Variants in PLXNA2 observed in about 807,000 individuals in gnomAD.
PLXNA2 encodes plexin-A2.
PLXNA2 carries 91 observed loss-of-function variants against 193.5 expected under a neutral mutation model. That is an observed-to-expected ratio of 0.47 (90% CI 0.40 to 0.56). The LOEUF is 0.56. Ranked by LOEUF, PLXNA2 falls within the 20% of genes least tolerant of loss-of-function variation. The probability of loss-of-function intolerance (pLI) is 0.00; values close to 1 mark genes in which losing one functional copy is unlikely to be tolerated. For missense variants in PLXNA2, 1,995 were observed against 2,503.2 expected, an observed-to-expected ratio of 0.80 and a Z score of 4.33; for synonymous variants, 997 against 1,027.3, an observed-to-expected ratio of 0.97 and a Z score of 0.56.
intron 29 of PLXNA2, chr1:208,030,512 A>C: frequency 1.0e-6 from 1 of 985,408 alleles, no homozygotes; most frequent in East Asian, 1.1e-4. Flanking sequence ...TCTTAACCCC[A>C]GGGCCACCCC....
intron 4 of PLXNA2, 118 bp from the exon 5 acceptor site, chr1:208,103,365 C>T: frequency 1.3e-6 from 1 of 745,204 alleles, no homozygotes; most frequent in Non-Finnish European, 2.1e-6. Context: ...AGAGGTGATA[C>T]TGGGCGGCAA....
chr1:208,176,254 A>T (rs1175449593), intron 3 of PLXNA2, among the ~76,000 whole-genome samples: 1 of 151,988 alleles, frequency 6.6e-6, no homozygotes, highest in East Asian at 1.9e-4. Flanking sequence ...CCTGCAACTA[A>T]CTCTAGACTC....
chr1:208,225,568 C>A (rs1291089764), intron 1 of PLXNA2, among the ~76,000 whole-genome samples: 1 of 152,218 alleles, frequency 6.6e-6, no homozygotes, highest in African/African-American at 2.4e-5. Flanking sequence ...TAGCCTCGGC[C>A]TCCCAAAATG....
At chr1:208,211,573 G>A (rs984390442) in intron 2 of PLXNA2, among the ~76,000 whole-genome samples, 4 of 151,974 alleles carry the variant, frequency 2.6e-5, no homozygotes, top group Admixed American at 1.3e-4. Context: ...TGTGCCTGTA[G>A]TCCCAGCTAC....
rs192260490 is a variant in PLXNA2 at position 208,125,124 on chromosome 1, C to T, written c.1506+17205G>A. Among the ~76,000 whole-genome samples, 3 of 152,226 alleles carry T rather than the reference C, an allele frequency of 2.0e-5. No homozygotes were observed. The East Asian group carries it at 5.8e-4, about 29-fold the overall frequency. ...ATACCAAATGGCCTTTTGTGTAGGG[C>T]CATATTTCATGAAATAATATAATGT... On this transcript the variant is annotated intron_variant, in intron 4 of 31. Coordinates refer to ENST00000367033, the MANE Select transcript of PLXNA2 (RefSeq NM_025179.4).
At chr1:208,209,728 G>A (rs1315107246) in intron 3 of PLXNA2, among the ~76,000 whole-genome samples, 2 of 152,296 alleles carry the variant, frequency 1.3e-5, no homozygotes, top group Non-Finnish European at 2.9e-5. Context: ...GAAGGGAAGA[G>A]TCTGTGATTG....
chr1:208,153,806 C>T (rs1238456561), intron 3 of PLXNA2, among the ~76,000 whole-genome samples: 1 of 152,232 alleles, frequency 6.6e-6, no homozygotes, highest in Non-Finnish European at 1.5e-5. Flanking sequence ...CCTGTGTGCT[C>T]TGGTCTGCCT....
At chr1:208,049,937 A>G (rs1665201814) in intron 17 of PLXNA2, among the ~76,000 whole-genome samples, 1 of 152,234 alleles carries the variant, frequency 6.6e-6, no homozygotes, top group Admixed American at 6.5e-5. Flanking sequence ...TATGAAAAAT[A>G]ATGGCCATAG....
At chr1:208,152,708 C>CACAT (rs1353886652) in intron 3 of PLXNA2, among the ~76,000 whole-genome samples, 2 of 151,828 alleles carry the variant, frequency 1.3e-5, no homozygotes, top group Admixed American at 6.6e-5. Context: ...CACACACACA[C>CACAT]ACACACACAC....
chr1:208,170,001 C>T (rs1169227350), intron 3 of PLXNA2, among the ~76,000 whole-genome samples: 1 of 152,194 alleles, frequency 6.6e-6, no homozygotes. Flanking sequence ...CCCAGCTAGG[C>T]GTGGGGTGCT....
intron 4 of PLXNA2, among the ~76,000 whole-genome samples, chr1:208,127,332 C>T (rs1246996778): frequency 6.6e-6 from 1 of 152,206 alleles, no homozygotes; most frequent in Non-Finnish European, 1.5e-5. Flanking sequence ...AATAAAAGGT[C>T]ACATTTATGC....
At chr1:208,180,917 C>T (rs1489180754) in intron 3 of PLXNA2, among the ~76,000 whole-genome samples, 1 of 152,236 alleles carries the variant, frequency 6.6e-6, no homozygotes, top group East Asian at 1.9e-4. Flanking sequence ...TGTCAAGCTT[C>T]TGGGGTCTCC....
At position 208,098,175 on chromosome 1, in the gene PLXNA2, T is replaced by C. The variant is rs73084911; in HGVS notation, c.1731+671A>G. On this transcript the variant is annotated intron_variant, in intron 6 of 31. Transcript: ENST00000367033. Reference sequence around the variant, plus strand: ...ACTTAGGTACAAACTCCCCTGTTTGTTTCCTCAGCTCCCTTGGAGCCAAAA... The same window carrying C: ...ACTTAGGTACAAACTCCCCTGTTTGCTTCCTCAGCTCCCTTGGAGCCAAAA... 8.1e-3 allele frequency among the ~76,000 whole-genome samples: 1,226 copies of C among 152,296 alleles called. 11 individuals are homozygous for C. Among genetic ancestry groups the C allele is most frequent in the African/African-American group, 0.028 (1,165 of 41,562 alleles).
chr1:208,085,502 T>G (rs902394264), intron 9 of PLXNA2, among the ~76,000 whole-genome samples: 1 of 152,184 alleles, frequency 6.6e-6, no homozygotes, highest in African/African-American at 2.4e-5. Flanking sequence ...CTGCAGAGGG[T>G]GTTACTGGCA....
rs535680302 is a variant in PLXNA2, at chr1:208,239,530, G to A, written c.-81+4113C>T. 5.3e-5 allele frequency among the ~76,000 whole-genome samples: 8 copies of A among 152,226 alleles called. No individual in the cohort carries two copies. In the South Asian group the frequency reaches 1.0e-3, roughly 20 times the overall value. ...CCTGCTGGTTTTCTTTGATGTTCAG[G>A]ATTCCAGGTCTGACTTGTTAGGAAT... On this transcript the variant is annotated intron_variant, in intron 1 of 31. Transcript: ENST00000367033.
At chr1:208,101,525 GTT>G (rs1393173742) in intron 5 of PLXNA2, among the ~76,000 whole-genome samples, 1 of 152,194 alleles carries the variant, frequency 6.6e-6, no homozygotes, top group African/African-American at 2.4e-5. Context: ...TCTCTAAAGA[GTT>G]AAGGAGTTAA....
chr1:208,058,628 C>T (rs1231998048), intron 13 of PLXNA2, among the ~76,000 whole-genome samples: 2 of 152,160 alleles, frequency 1.3e-5, no homozygotes, highest in African/African-American at 4.8e-5. Flanking sequence ...ATGGGGTGTG[C>T]TCTCTGTCTT....
At chr1:208,144,917 C>CG (rs749668400) in intron 3 of PLXNA2, among the ~76,000 whole-genome samples, 27 of 152,010 alleles carry the variant, frequency 1.8e-4, no homozygotes, top group Non-Finnish European at 3.5e-4. Context: ...GACCACCAGC[C>CG]TGTAACCTGG....
Position 208,060,844 on chromosome 1 carries a change from G to A in PLXNA2, c.2587-7C>T. 2 of 1,613,570 alleles carry A rather than the reference G, an allele frequency of 1.2e-6. No homozygotes were observed. Reference sequence around the variant, plus strand: ...GTCCAGACACCGTCAAAATCTGCAGGAGGGAAATGGGATTAGCAATTTGGT... The same window carrying A: ...GTCCAGACACCGTCAAAATCTGCAGAAGGGAAATGGGATTAGCAATTTGGT... On this transcript the variant is annotated splice_region_variant and splice_polypyrimidine_tract_variant and intron_variant, in intron 12 of 31. Coordinates refer to ENST00000367033, the MANE Select transcript of PLXNA2 (RefSeq NM_025179.4).
Sources: allele counts gnomAD v4.1 joint callset (sites outside exome capture counted in the v4.1 genomes callset), GRCh38; gene constraint gnomAD v4.1.1; transcripts MANE v1.5; gene names NCBI Gene and HGNC (gene_info 2026-07-23, HGNC 2026-07-21).